DLGAP1: variants seen among roughly 807,000 people sequenced by gnomAD.
DLGAP1 encodes DLG associated protein 1.
Under a neutral mutation model 90.8 loss-of-function variants are expected in DLGAP1, and 11 were observed. That is an observed-to-expected ratio of 0.12 (90% CI 0.08 to 0.20). The LOEUF (loss-of-function observed/expected upper bound fraction) is 0.20. DLGAP1 is among the 10% of genes least tolerant of loss of function. The pLI, the probability that DLGAP1 is intolerant of heterozygous loss-of-function variation, is 1.00. For missense variants in DLGAP1, 1,050 were observed against 1,333.8 expected (o/e 0.79, Z 3.31); for synonymous variants, 558 against 540.7 (o/e 1.03, Z -0.44).
At chr18:3,580,537 G>A in intron 8 of DLGAP1, 1 of 1,598,030 alleles carries the variant, frequency 6.3e-7, no homozygotes, top group South Asian at 1.1e-5. Context: ...CAGCGGAGAT[G>A]GCAGTGGAGG....
intron 7 of DLGAP1, among the ~76,000 whole-genome samples, chr18:3,672,657 G>C (rs1233192892): frequency 2.1e-5 from 3 of 145,134 alleles, no homozygotes; most frequent in Admixed American, 6.9e-5. Context: ...AAGACTTTTA[G>C]AGACTACTCA....
chr18:4,374,273 A>G (rs1022625368), intron 1 of DLGAP1, among the ~76,000 whole-genome samples: 53 of 152,310 alleles, frequency 3.5e-4, no homozygotes, highest in African/African-American at 1.3e-3. Context: ...AAAAGAAAGG[A>G]ATGGAAAATG....
At chr18:4,053,304 T>C (rs575044937) in intron 2 of DLGAP1, among the ~76,000 whole-genome samples, 4 of 152,258 alleles carry the variant, frequency 2.6e-5, no homozygotes, top group African/African-American at 4.8e-5. Context: ...CTTCTTCACA[T>C]AGCAGCAGCA....
At chr18:4,039,707 A>G in intron 2 of DLGAP1, among the ~76,000 whole-genome samples, 1 of 152,232 alleles carries the variant, frequency 6.6e-6, no homozygotes, top group East Asian at 1.9e-4. Flanking sequence ...TAAAATGGTG[A>G]TGGTGATAAC....
At chr18:3,717,486 C>A (rs906476194) in intron 7 of DLGAP1, among the ~76,000 whole-genome samples, 5 of 152,318 alleles carry the variant, frequency 3.3e-5, no homozygotes, top group Non-Finnish European at 7.3e-5. Context: ...TTACCAGTCT[C>A]TTGGATTCTT....
intron 9 of DLGAP1, among the ~76,000 whole-genome samples, chr18:3,560,418 CAAAA>C (rs57593847): frequency 1.2e-4 from 7 of 60,250 alleles, no homozygotes; most frequent in Non-Finnish European, 9.1e-5. Flanking sequence ...GACTCCGTCT[CAAAA>C]AAAAAAAAAA....
chr18:3,680,482 A>G (rs569100555), intron 7 of DLGAP1, among the ~76,000 whole-genome samples: 2 of 152,290 alleles, frequency 1.3e-5, no homozygotes, highest in South Asian at 2.1e-4. Context: ...TTAACCCTCA[A>G]TGCTTAGCCA....
chr18:4,044,516 G>A (rs952165423), intron 2 of DLGAP1, among the ~76,000 whole-genome samples: 3 of 152,168 alleles, frequency 2.0e-5, no homozygotes, highest in Non-Finnish European at 4.4e-5. Flanking sequence ...GCCGAGGCAG[G>A]TGGACCATGA....
chr18:3,640,478 C>A (rs1234427813), intron 7 of DLGAP1, among the ~76,000 whole-genome samples: 5 of 152,218 alleles, frequency 3.3e-5, no homozygotes, highest in Non-Finnish European at 7.3e-5. Flanking sequence ...GAAATGAATT[C>A]TTGGTTGAAC....
chr18:3,893,610 A>G (rs1000167668), intron 3 of DLGAP1, among the ~76,000 whole-genome samples: 1 of 149,164 alleles, frequency 6.7e-6, no homozygotes, highest in African/African-American at 2.4e-5. Flanking sequence ...AATAATAATA[A>G]TAATAATAAT....
intron 1 of DLGAP1, among the ~76,000 whole-genome samples, chr18:4,366,003 A>C (rs909886465): frequency 6.6e-6 from 1 of 152,158 alleles, no homozygotes; most frequent in African/African-American, 2.4e-5. Flanking sequence ...AATTATATTA[A>C]TGTTGAAGTA....
At chr18:3,646,661 A>T (rs2059125157) in intron 7 of DLGAP1, among the ~76,000 whole-genome samples, 2 of 152,240 alleles carry the variant, frequency 1.3e-5, no homozygotes, top group African/African-American at 2.4e-5. Flanking sequence ...ACGGTGGCTC[A>T]TGCCTGTAAT....
chr18:4,070,485 A>G (rs2143455245), intron 2 of DLGAP1, among the ~76,000 whole-genome samples: 1 of 150,928 alleles, frequency 6.6e-6, no homozygotes, highest in Non-Finnish European at 1.5e-5. Context: ...AGTAAAAAGA[A>G]GTTATATAAA....
At chr18:3,506,642 A>G (rs1252684701) in intron 11 of DLGAP1, among the ~76,000 whole-genome samples, 1 of 150,736 alleles carries the variant, frequency 6.6e-6, no homozygotes, top group African/African-American at 2.4e-5. Context: ...ACTCTTCTTC[A>G]TAATATACTT....
intron 10 of DLGAP1, among the ~76,000 whole-genome samples, chr18:3,511,130 G>A (rs1311474887): frequency 2.0e-5 from 3 of 152,126 alleles, no homozygotes; most frequent in Non-Finnish European, 4.4e-5. Context: ...GCCCAGGGTG[G>A]GGAGATGACT....
intron 2 of DLGAP1, among the ~76,000 whole-genome samples, chr18:4,119,923 C>T (rs923702979): frequency 6.6e-6 from 1 of 152,102 alleles, no homozygotes; most frequent in Non-Finnish European, 1.5e-5. Context: ...TTATTTGATA[C>T]AATGACTGAA....
At position 3,874,328 on chromosome 18, in the gene DLGAP1, G is replaced by A. The variant is rs559955546; in HGVS notation, c.957+4784C>T. 6.1e-5 allele frequency: 93 copies of A among 1,524,536 alleles called. No individual in the cohort carries two copies. The South Asian group carries it at 8.1e-4, about 13-fold the overall frequency. 94.4% of individuals were successfully genotyped at this position (1,524,536 alleles called of 1,614,324 possible). A position where few individuals can be genotyped will look rare whatever the true frequency, so the allele number is the denominator to read the frequency against. ...GTCTCTCTCTCTCCACTTCTACCGCGGAGAGAGCGTTTTGTTTCCCTTTTC... is the reference window on the plus strand; with the variant it reads ...GTCTCTCTCTCTCCACTTCTACCGCAGAGAGAGCGTTTTGTTTCCCTTTTC... On this transcript the variant is annotated intron_variant, in intron 4 of 12. Transcript: ENST00000315677.
chr18:4,165,711 G>GCTGGTAC, intron 1 of DLGAP1, among the ~76,000 whole-genome samples: 1 of 152,310 alleles, frequency 6.6e-6, no homozygotes, highest in African/African-American at 2.4e-5. Context: ...AAGGTAAAAT[G>GCTGGTAC]CTGGTACCAG....
intron 3 of DLGAP1, among the ~76,000 whole-genome samples, chr18:3,981,576 G>A (rs1568333078): frequency 6.6e-6 from 1 of 152,206 alleles, no homozygotes; most frequent in African/African-American, 2.4e-5. Flanking sequence ...GGCAGGTGAT[G>A]CCCCAGAAGG....
Sources: allele counts gnomAD v4.1 joint callset (sites outside exome capture counted in the v4.1 genomes callset), GRCh38; gene constraint gnomAD v4.1.1; transcripts MANE v1.5; gene names NCBI Gene and HGNC (gene_info 2026-07-23, HGNC 2026-07-21).